PHF8: variants seen among roughly 807,000 people sequenced by gnomAD.
PHF8 encodes histone lysine demethylase PHF8.
PHF8 carries 9 observed loss-of-function variants against 74.4 expected under a neutral mutation model. The ratio of observed to expected loss-of-function variants is 0.12; its 90% CI spans 0.07 to 0.21. PHF8 has a LOEUF of 0.21. Ranked by LOEUF, PHF8 falls within the 10% of genes least tolerant of loss-of-function variation. The pLI, the probability that PHF8 is intolerant of heterozygous loss-of-function variation, is 1.00. For missense variants in PHF8, 478 were observed against 816.6 expected, an observed-to-expected ratio of 0.59 and a Z score of 5.05; for synonymous variants, 311 against 316.6, an observed-to-expected ratio of 0.98 and a Z score of 0.19.
rs192550475 is a variant in PHF8, at chrX:53,979,421, G to A, written c.2443+5493C>T. On this transcript the variant is annotated intron_variant, in intron 18 of 21. Transcript: ENST00000338154. ...AAAATAAAAATAAAATTTAAAAAAC[G>A]CTTTACCAAAAAGCAGATTGAAAAT... Among the ~76,000 whole-genome samples the A allele has an allele frequency of 6.7e-4, 75 of 111,405 alleles. No homozygotes were observed. The East Asian group carries it at 0.015, about 22-fold the overall frequency.
At chrX:53,990,792 T>C (rs1426694696) in intron 14 of PHF8, among the ~76,000 whole-genome samples, 2 of 111,716 alleles carry the variant, frequency 1.8e-5, no homozygotes, top group Non-Finnish European at 3.8e-5. Context: ...TGCTGATGTC[T>C]AGTGTTCTGA....
chrX:53,964,076 C>T (rs1371350187), intron 18 of PHF8, among the ~76,000 whole-genome samples: 1 of 111,822 alleles, frequency 8.9e-6, no homozygotes, highest in Admixed American at 9.5e-5. Context: ...GAGTTCGTGT[C>T]CTTTGCAGGG....
intron 8 of PHF8, among the ~76,000 whole-genome samples, chrX:54,005,961 CCTTCT>C (rs1557105211): frequency 1.8e-5 from 2 of 111,853 alleles, no homozygotes; most frequent in East Asian, 2.8e-4. Flanking sequence ...CATAGAATTT[CCTTCT>C]CTTGAGTTTT....
At chrX:53,968,707 G>A (rs1557093784) in intron 18 of PHF8, among the ~76,000 whole-genome samples, 3 of 111,650 alleles carry the variant, frequency 2.7e-5, no homozygotes, top group East Asian at 2.8e-4. Flanking sequence ...TCAGGAGTTC[G>A]AGATCAGTCT....
At chrX:54,044,832 C>A (rs1262840111), upstream of PHF8, 1 of 1,098,967 alleles carries the variant, frequency 9.1e-7, no homozygotes, top group Non-Finnish European at 1.2e-6. Context: ...TAATAGGTGG[C>A]GGCGGGGGCG....
intron 6 of PHF8, 142 bp from the exon 7 acceptor site, chrX:54,014,705 A>T: frequency 2.0e-6 from 1 of 494,838 alleles, no homozygotes; most frequent in Non-Finnish European, 3.6e-6. Flanking sequence ...GGCACATAGG[A>T]CACTTATTTC....
rs1173276928 is a variant in PHF8 at position 53,937,143 on chromosome X, A to G, written c.*2015T>C. On this transcript the variant is annotated 3_prime_UTR_variant, in exon 22 of 22. Transcript: ENST00000338154. The stretch of plus-strand genomic sequence containing the variant: ...TTTGGAAAAGCATAACTCTGAGGGT[A>G]AACTTGCTTTTCATTGGAAACAACA... 1.8e-5 allele frequency: 2 copies of G among 111,009 alleles called. No individual in the cohort carries two copies. The highest frequency in any genetic ancestry group is 3.8e-5 in the Non-Finnish European group (2 of 52,924). The allele number at this position is 111,009 out of a possible 1,213,427, so 9.1% of individuals were successfully genotyped here.
intron 20 of PHF8, 120 bp from the exon 21 acceptor site, chrX:53,940,636 G>T: frequency 1.9e-6 from 1 of 524,922 alleles, no homozygotes; most frequent in Non-Finnish European, 3.3e-6. Flanking sequence ...TCCCTTACCT[G>T]CACCAAGTCT....
intron 19 of PHF8, among the ~76,000 whole-genome samples, chrX:53,955,970 G>A (rs1268074404): frequency 9.0e-6 from 1 of 111,002 alleles, no homozygotes; most frequent in Non-Finnish European, 1.9e-5. Context: ...TTTTGGCTGG[G>A]CGTGGTAGCT....
At chrX:54,035,167 G>A (rs1557113692) in intron 2 of PHF8, among the ~76,000 whole-genome samples, 1 of 108,797 alleles carries the variant, frequency 9.2e-6, no homozygotes, top group Non-Finnish European at 1.9e-5. Context: ...GACCAACCTG[G>A]TCAACATAGT....
At chrX:53,981,956 T>C (rs1557098122) in intron 18 of PHF8, among the ~76,000 whole-genome samples, 1 of 112,027 alleles carries the variant, frequency 8.9e-6, no homozygotes, top group Admixed American at 9.5e-5. Context: ...GATTCTAAAA[T>C]CCATCTGGAA....
intron 19 of PHF8, among the ~76,000 whole-genome samples, chrX:53,957,592 T>C (rs1045577748): frequency 1.8e-5 from 2 of 111,429 alleles, no homozygotes; most frequent in South Asian, 3.8e-4. Context: ...CTCAACCAAA[T>C]GTCATTCTCT....
At position 53,985,209 on chromosome X, in the gene PHF8, G is replaced by A; in HGVS notation, c.2148C>T (p.Pro716=). 8.3e-7 allele frequency: 1 copy of A among 1,198,532 alleles called. No individual in the cohort carries two copies. Among genetic ancestry groups the A allele is most frequent in the South Asian group, 1.8e-5 (1 of 55,269 alleles). ...TGCCCTGGATGGCCTCCTGAGTGCT[G>A]GGAGAAGCTGGGGCCTCGCTGCAAG... ...YAALTEAPAS[P]STQEAIQGML... Residue 716 remains proline, a synonymous_variant, in exon 18 of 22, where the codon CCC becomes CCT. Coordinates refer to ENST00000338154, the MANE Select transcript of PHF8 (RefSeq NM_015107.3).
intron 18 of PHF8, among the ~76,000 whole-genome samples, chrX:53,965,449 G>A (rs1006596029): frequency 5.3e-5 from 6 of 112,950 alleles, no homozygotes; most frequent in African/African-American, 1.3e-4. Context: ...GACCAGCCTC[G>A]CCAACATGGC....
chrX:54,038,043 T>G (rs2066492249), intron 2 of PHF8, among the ~76,000 whole-genome samples: 1 of 112,390 alleles, frequency 8.9e-6, no homozygotes, highest in Non-Finnish European at 1.9e-5. Flanking sequence ...ACAGGAAAAC[T>G]GTAGAGTGAA....
intron 18 of PHF8, among the ~76,000 whole-genome samples, chrX:53,980,942 G>C (rs1276717568): frequency 8.9e-6 from 1 of 112,903 alleles, no homozygotes; most frequent in Non-Finnish European, 1.9e-5. Context: ...GCTGGGCCTG[G>C]TGGCTCGCGC....
intron 8 of PHF8, among the ~76,000 whole-genome samples, chrX:54,004,985 G>C (rs1241394727): frequency 9.2e-6 from 1 of 108,932 alleles, no homozygotes; most frequent in Non-Finnish European, 1.9e-5. Flanking sequence ...GAAGAATGGA[G>C]ACAACAGAAG....
intron 16 of PHF8, among the ~76,000 whole-genome samples, chrX:53,986,419 G>C (rs2065567106): frequency 9.0e-6 from 1 of 111,724 alleles, no homozygotes; most frequent in Non-Finnish European, 1.9e-5. Context: ...TTTTTTAGCA[G>C]AGACAGGGTT....
chrX:53,999,619 A>G (rs1258565109), intron 11 of PHF8: 1 of 353,877 alleles, frequency 2.8e-6, no homozygotes, highest in Non-Finnish European at 5.0e-6. Context: ...TGTAAAAATC[A>G]TAGGTGATAA....
Sources: gnomAD v4.1 joint callset for allele counts (sites outside exome capture counted in the v4.1 genomes callset) on GRCh38, gnomAD v4.1.1 for gene constraint, MANE v1.5 for transcripts, NCBI Gene and HGNC (gene_info 2026-07-23, HGNC 2026-07-21) for gene names.